CD44: variants seen among roughly 807,000 people sequenced by gnomAD.
CD44 encodes the protein CD44 antigen.
Under a neutral mutation model 88.8 loss-of-function variants are expected in CD44, and 49 were observed. The ratio of observed to expected loss-of-function variants is 0.55; its 90% confidence interval spans 0.44 to 0.70. CD44 has a LOEUF of 0.70. CD44 is among the 30% of genes least tolerant of loss of function. The pLI, the probability that CD44 is intolerant of heterozygous loss-of-function variation, is 0.00. For synonymous variants in CD44, 325 were observed against 312.3 expected, an observed-to-expected ratio of 1.04 and a Z score of -0.43; for missense variants, 883 against 913.8, an observed-to-expected ratio of 0.97 and a Z score of 0.43.
At chr11:35,146,917 A>G (rs1859280686) in intron 1 of CD44, among the ~76,000 whole-genome samples, 1 of 152,202 alleles carries the variant, frequency 6.6e-6, no homozygotes, top group Non-Finnish European at 1.5e-5. Flanking sequence ...AGGAGGAGGA[A>G]GTTGTAATGG....
At chr11:35,222,875 C>G (rs978092355) in intron 17 of CD44, 3 of 985,212 alleles carry the variant, frequency 3.0e-6, no homozygotes, top group Non-Finnish European at 3.6e-6. Flanking sequence ...GATCACCTCA[C>G]AGGGCAGAAA....
intron 1 of CD44, among the ~76,000 whole-genome samples, chr11:35,174,721 A>C (rs556483255): frequency 5.9e-5 from 9 of 152,350 alleles, no homozygotes; most frequent in Admixed American, 3.3e-4. Flanking sequence ...CAATGCCATT[A>C]ACTCTGAGAG....
At chr11:35,190,789 C>T (rs1946190808) in intron 5 of CD44, among the ~76,000 whole-genome samples, 1 of 152,210 alleles carries the variant, frequency 6.6e-6, no homozygotes, top group Non-Finnish European at 1.5e-5. Context: ...ATTAAATCAG[C>T]TTAAGAGCTC....
Position 35,190,058 on chromosome 11 carries a change from T to C in CD44, c.660T>C (p.Pro220=). Residue 220 remains proline, a synonymous_variant, in exon 5 of 18, where the codon CCT becomes CCC. Coordinates refer to ENST00000428726, the MANE Select transcript of CD44 (RefSeq NM_000610.4). ...PWITDSTDRI[P]ATTLMSTSAT... is the part of the protein sequence containing the mutation. ...TCACCGACAGCACAGACAGAATCCC[T>C]GCTACCAGTAAGGAGAATAAATCAC... 6.2e-7 allele frequency: 1 copy of C among 1,612,938 alleles called. No individual in the cohort carries two copies. Among genetic ancestry groups the C allele is most frequent in the Non-Finnish European group, 8.5e-7 (1 of 1,178,856 alleles).
intron 1 of CD44, among the ~76,000 whole-genome samples, chr11:35,170,786 A>G (rs1417373840): frequency 1.3e-5 from 2 of 152,180 alleles, no homozygotes; most frequent in African/African-American, 4.8e-5. Context: ...AGACACACAG[A>G]CATCTGAGGA....
chr11:35,201,227 T>A lies in CD44; in HGVS notation c.1036+32T>A, dbSNP rs1027074054. On this transcript the variant is annotated intron_variant, in intron 8 of 17. Transcript: ENST00000428726. The stretch of plus-strand genomic sequence containing the variant: ...GGTTCTGCATATTTAATGAAAGATT[T>A]TTTTCCCCTCAAAGCCCATGATGCT... 2.0e-6 allele frequency: 3 copies of A among 1,472,194 alleles called. No individual in the cohort carries two copies. In the African/African-American group the frequency reaches 4.2e-5, roughly 20 times the overall value. 91.2% of individuals were successfully genotyped at this position (1,472,194 alleles called of 1,614,324 possible). A position where few individuals can be genotyped will look rare whatever the true frequency, so the allele number is the denominator to read the frequency against.
intron 17 of CD44, 69 bp from the exon 18 acceptor site, chr11:35,229,056 CTCAG>C: frequency 8.4e-7 from 1 of 1,193,356 alleles, no homozygotes; most frequent in Non-Finnish European, 1.2e-6. Context: ...AATGATGGTG[CTCAG>C]TAAGGATGAT....
At chr11:35,179,890 A>G (rs1944824816) in intron 2 of CD44, among the ~76,000 whole-genome samples, 1 of 152,152 alleles carries the variant, frequency 6.6e-6, no homozygotes, top group African/African-American at 2.4e-5. Context: ...TTTCTGGAAA[A>G]CATGAAGGTA....
chr11:35,183,804 C>G (rs1309484397), intron 3 of CD44, among the ~76,000 whole-genome samples: 1 of 152,096 alleles, frequency 6.6e-6, no homozygotes, highest in African/African-American at 2.4e-5. Context: ...TGCTTTCAGT[C>G]AAGTGCCTCA....
rs563462155 is a variant in CD44, at chr11:35,141,682, C to T, written c.67+2312C>T. ...GAGACCCGCAGTCTCCCTCCTGCCC[C>T]GTGTTTCCACGGCCCCTTTGCGCAG... On this transcript the variant is annotated intron_variant, in intron 1 of 17. Coordinates refer to ENST00000428726, the MANE Select transcript of CD44 (RefSeq NM_000610.4). 1.1e-4 allele frequency among the ~76,000 whole-genome samples: 17 copies of T among 152,296 alleles called. No individual in the cohort carries two copies. The South Asian group carries it at 1.7e-3, about 15-fold the overall frequency.
Position 35,189,953 on chromosome 11 carries a change from AAGG to A in CD44, c.558_560del (p.Arg186del), listed in dbSNP as rs751529688. ...ACGTGAGCAGCGGCTCCTCCAGTGA[AAGG>A]AGCAGCACTTCAGGAGGTTACATCT... On this transcript the variant is annotated inframe_deletion, in exon 5 of 18. Transcript: ENST00000428726. 5.3e-5 allele frequency: 86 copies of A among 1,613,838 alleles called. No individual in the cohort carries two copies. Among genetic ancestry groups the A allele is most frequent in the Non-Finnish European group, 6.5e-5 (77 of 1,179,824 alleles).
intron 5 of CD44, among the ~76,000 whole-genome samples, chr11:35,192,215 G>A (rs1946334295): frequency 6.6e-6 from 1 of 152,154 alleles, no homozygotes; most frequent in African/African-American, 2.4e-5. Context: ...ATGAGTCCAG[G>A]GCTAACCTGA....
At chr11:35,229,037 G>C (rs1949916407) in intron 17 of CD44, 92 bp from the exon 18 acceptor site, 2 of 1,057,226 alleles carry the variant, frequency 1.9e-6, no homozygotes, top group South Asian at 1.5e-5. Flanking sequence ...ATAAACCATA[G>C]TGATCATCAA....
intron 1 of CD44, among the ~76,000 whole-genome samples, chr11:35,171,105 G>A (rs985406066): frequency 6.6e-6 from 1 of 152,160 alleles, no homozygotes; most frequent in African/African-American, 2.4e-5. Context: ...ATAAATATTA[G>A]CCACTGCTCT....
chr11:35,201,078 A>G lies in CD44; in HGVS notation c.923-4A>G. ...TCTAATTGCTTCAATCATCGTTATC[A>G]CAGTTTCAACCACACCACGGGCTTT... On this transcript the variant is annotated splice_polypyrimidine_tract_variant and splice_region_variant and intron_variant, in intron 7 of 17. Coordinates refer to ENST00000428726, the MANE Select transcript of CD44 (RefSeq NM_000610.4). The G allele has an allele frequency of 6.2e-7, 1 of 1,603,418 alleles. No individual in the cohort carries two copies. The highest frequency in any genetic ancestry group is 8.5e-7 in the Non-Finnish European group (1 of 1,170,210).
At chr11:35,182,006 T>TTATATATAA (rs1945181081) in intron 3 of CD44, among the ~76,000 whole-genome samples, 1 of 116,376 alleles carries the variant, frequency 8.6e-6, no homozygotes, top group Non-Finnish European at 1.7e-5. Flanking sequence ...TATTTATATA[T>TTATATATAA]ATGTATATAT....
intron 2 of CD44, chr11:35,176,980 C>G (rs553355727): frequency 6.9e-4 from 309 of 447,344 alleles, no homozygotes; most frequent in Non-Finnish European, 8.7e-4. Context: ...GGGGTCCTCT[C>G]GGCTGGAATC....
intron 4 of CD44, among the ~76,000 whole-genome samples, chr11:35,188,728 A>C (rs1367681359): frequency 6.6e-6 from 1 of 152,154 alleles, no homozygotes; most frequent in East Asian, 1.9e-4. Flanking sequence ...ACCTGAGGTC[A>C]GGAGTTCAAG....
chr11:35,188,037 A>C (rs72916137), intron 4 of CD44, among the ~76,000 whole-genome samples: 1 of 152,070 alleles, frequency 6.6e-6, no homozygotes, highest in East Asian at 1.9e-4. Context: ...GAAAATCTCA[A>C]CCAGAACTTT....
Sources: gnomAD v4.1 joint callset for allele counts (sites outside exome capture counted in the v4.1 genomes callset) on GRCh38, gnomAD v4.1.1 for gene constraint, MANE v1.5 for transcripts, NCBI Gene and HGNC (gene_info 2026-07-23, HGNC 2026-07-21) for gene names.